The following PTS variants were observed in gnomAD, a reference collection of about 807,000 sequenced individuals.
The protein encoded by PTS is 6-pyruvoyltetrahydropterin synthase.
Under a neutral mutation model 20.6 loss-of-function variants are expected in PTS, and 23 were observed. That is an observed-to-expected ratio of 1.12 (90% CI 0.80 to 1.58). PTS has a LOEUF of 1.58. PTS is among the 40% of genes most tolerant of loss of function. PTS has a pLI of 0.00. For missense variants in PTS, 186 were observed against 182.4 expected (o/e 1.02, Z -0.11); for synonymous variants, 65 against 62.5 (o/e 1.04, Z -0.19).
Position 112,226,569 on chromosome 11 carries a change from G to A in PTS, c.83+43G>A, listed in dbSNP as rs750806212. On this transcript the variant is annotated intron_variant, in intron 1 of 5. Transcript: ENST00000280362. ...GTACAGCGGCGGGCGGTGGGCGCCG[G>A]GCCCCGGAACGTCACCGGGGCGGGG... 24 of 1,482,004 alleles carry A rather than the reference G, an allele frequency of 1.6e-5. No individual in the cohort carries two copies. In the African/African-American group the frequency reaches 2.5e-4, roughly 15 times the overall value. The allele number at this position is 1,482,004 out of a possible 1,614,324, so 91.8% of individuals were successfully genotyped here. A position where few individuals can be genotyped will look rare whatever the true frequency, so the allele number is the denominator to read the frequency against.
At chr11:112,231,479 G>A (rs1859929596) in intron 4 of PTS, among the ~76,000 whole-genome samples, 2 of 152,168 alleles carry the variant, frequency 1.3e-5, no homozygotes, top group Admixed American at 6.5e-5. Context: ...TTGCAAAGCT[G>A]GGAGTAGATT....
At chr11:112,226,914 C>A (rs1252013250) in intron 1 of PTS, among the ~76,000 whole-genome samples, 4 of 150,992 alleles carry the variant, frequency 2.6e-5, no homozygotes, top group Admixed American at 1.3e-4. Flanking sequence ...CAGTACCTGG[C>A]GCGGCGTAGA....
At chr11:112,230,743 C>T (rs1221472223) in intron 4 of PTS, 61 bp downstream of exon 4, 3 of 1,383,480 alleles carry the variant, frequency 2.2e-6, no homozygotes, top group Non-Finnish European at 3.1e-6. Context: ...TGGTGGCCCC[C>T]TATCTACCTC....
rs774398414 is a variant in PTS, at chr11:112,233,566, T to G, written c.*11T>G. 6.2e-7 allele frequency: 1 copy of G among 1,613,486 alleles called. No individual in the cohort carries two copies. The highest frequency in any genetic ancestry group is 1.1e-5 in the South Asian group (1 of 90,940). On this transcript the variant is annotated 3_prime_UTR_variant, in exon 6 of 6. Coordinates refer to ENST00000280362, the MANE Select transcript of PTS (RefSeq NM_000317.3). ...TATAAAGGAGAATAGCTATTGGGGTTAGCATTGCACAAAGCCCAGTTTCTT... is the reference window on the plus strand; with the variant it reads ...TATAAAGGAGAATAGCTATTGGGGTGAGCATTGCACAAAGCCCAGTTTCTT...
Position 112,228,708 on chromosome 11 carries a change from A to G in PTS, c.163+35A>G, listed in dbSNP as rs200498089. On this transcript the variant is annotated intron_variant, in intron 2 of 5. Transcript: ENST00000280362. Reference sequence around the variant, plus strand: ...AAACTGATGACATTTCAGCCCTTCAATAAGGATGAAAGAGTATTCAGCAAA... The same window carrying G: ...AAACTGATGACATTTCAGCCCTTCAGTAAGGATGAAAGAGTATTCAGCAAA... 339 of 1,550,858 alleles carry G rather than the reference A, an allele frequency of 2.2e-4. No homozygotes were observed. The African/African-American group carries it at 2.9e-3, about 13-fold the overall frequency.
At chr11:112,228,941 T>C in intron 2 of PTS, 1 of 461,532 alleles carries the variant, frequency 2.2e-6, no homozygotes, top group Non-Finnish European at 3.8e-6. Flanking sequence ...ACACAACAAG[T>C]TTCTTTCTGA....
intron 1 of PTS, 172 bp from the exon 2 acceptor site, chr11:112,228,422 G>A (rs1335287987): frequency 4.0e-5 from 25 of 627,074 alleles, no homozygotes; most frequent in Non-Finnish European, 4.7e-5. Flanking sequence ...GGTTTGTGAC[G>A]TATACGTAAG....
At chr11:112,230,858 T>C (rs1035201406) in intron 4 of PTS, among the ~76,000 whole-genome samples, 176 bp downstream of exon 4, 13 of 152,176 alleles carry the variant, frequency 8.5e-5, no homozygotes, top group African/African-American at 3.1e-4. Context: ...AAAGGTGTTT[T>C]GGTGACTTAA....
chr11:112,230,126 C>T, intron 2 of PTS, 82 bp from the exon 3 acceptor site: 1 of 1,313,566 alleles, frequency 7.6e-7, no homozygotes, highest in African/African-American at 1.5e-5. Context: ...CCAACTTGTG[C>T]TTGTATGTTG....
intron 3 of PTS, 184 bp from the exon 4 acceptor site, chr11:112,230,442 T>C: frequency 1.3e-6 from 1 of 794,782 alleles, no homozygotes; most frequent in Non-Finnish European, 2.2e-6. Context: ...AGAAGGGCTA[T>C]ACAATGAAAA....
rs1330330076 is a variant in PTS at position 112,233,533 on chromosome 11, T to A, written c.416T>A (p.Ile139Asn). Residue 139 changes from isoleucine to asparagine, a missense_variant, in exon 6 of 6, where the codon ATT becomes AAT. Transcript: ENST00000280362. ...AAAGTATACGAAACTGACAATAATA[T>A]TGTGGTTTATAAAGGAGAATAGCTA... ...KVKVYETDNN[I>N]VVYKGE The A allele has an allele frequency of 1.2e-6, 2 of 1,613,632 alleles. No individual in the cohort carries two copies. Among genetic ancestry groups the A allele is most frequent in the Non-Finnish European group, 8.5e-7 (1 of 1,179,836 alleles).
intron 4 of PTS, among the ~76,000 whole-genome samples, chr11:112,231,972 GAAAA>G (rs1859943720): frequency 7.0e-6 from 1 of 143,666 alleles, no homozygotes; most frequent in African/African-American, 3.0e-5. Flanking sequence ...GAAAAGAAAA[GAAAA>G]GAAAGAAAAG....
Position 112,228,564 on chromosome 11 carries a change from A to T in PTS, c.84-30A>T, listed in dbSNP as rs755535312. 14 of 1,509,844 alleles carry T rather than the reference A, an allele frequency of 9.3e-6. No individual in the cohort carries two copies. In the Admixed American group the frequency reaches 2.4e-4, roughly 26 times the overall value. 93.5% of individuals were successfully genotyped at this position (1,509,844 alleles called of 1,614,324 possible). A position where few individuals can be genotyped will look rare whatever the true frequency, so the allele number is the denominator to read the frequency against. ...GGGGTTTGAATGTGATACTTGTGTC[A>T]TGCTGACTTTTTTTTTTTTTTTTGG... On this transcript the variant is annotated intron_variant, in intron 1 of 5. Coordinates refer to ENST00000280362, the MANE Select transcript of PTS (RefSeq NM_000317.3).
At chr11:112,231,987 A>G (rs904045541) in intron 4 of PTS, among the ~76,000 whole-genome samples, 1 of 152,122 alleles carries the variant, frequency 6.6e-6, no homozygotes, top group South Asian at 2.1e-4. Context: ...GAAAGAAAAG[A>G]GACAAGACAG....
chr11:112,227,667 C>T (rs570233679), intron 1 of PTS, among the ~76,000 whole-genome samples: 7 of 151,888 alleles, frequency 4.6e-5, no homozygotes, highest in African/African-American at 1.7e-4. Context: ...AGAGGAGGTG[C>T]CAGGCTTTTT....
chr11:112,230,498 T>A, intron 3 of PTS, 128 bp from the exon 4 acceptor site: 1 of 904,888 alleles, frequency 1.1e-6, no homozygotes, highest in Non-Finnish European at 1.8e-6. Flanking sequence ...TCAATGATTA[T>A]CTCTGGGATG....
intron 1 of PTS, 111 bp from the exon 2 acceptor site, chr11:112,228,483 A>G: frequency 2.1e-6 from 2 of 941,152 alleles, no homozygotes; most frequent in South Asian, 1.5e-5. Context: ...CTAAAGTAAT[A>G]AATTGGGAAA....
In PTS at chr11:112,233,236, G is replaced by A. The variant is rs1262363294; in HGVS notation, c.314+3G>A. On this transcript the variant is annotated splice_donor_region_variant and intron_variant, in intron 5 of 5. Transcript: ENST00000280362. ...CCATACTTTGCAGATGTGGTGAGGT[G>A]GGTGGCACTGTATCTTGCCTTATGT... is the stretch of plus-strand genomic sequence containing the variant. 5 of 1,612,298 alleles carry A rather than the reference G, an allele frequency of 3.1e-6. No homozygotes were observed. Among genetic ancestry groups the A allele is most frequent in the African/African-American group, 1.3e-5 (1 of 74,846 alleles).
At chr11:112,230,013 TCTTG>T (rs1261157847) in intron 2 of PTS, 191 bp from the exon 3 acceptor site, 1 of 631,420 alleles carries the variant, frequency 1.6e-6, no homozygotes, top group African/African-American at 1.8e-5. Context: ...CTCGATTGTG[TCTTG>T]CTTTGGTTGC....
Sources: gnomAD v4.1 joint callset for allele counts (sites outside exome capture counted in the v4.1 genomes callset) on GRCh38, gnomAD v4.1.1 for gene constraint, MANE v1.5 for transcripts, NCBI Gene and HGNC (gene_info 2026-07-23, HGNC 2026-07-21) for gene names.